Variants in SULT1B1 observed in about 807,000 individuals in gnomAD.
The protein encoded by SULT1B1 is sulfotransferase 1B1.
SULT1B1 carries 28 observed loss-of-function variants against 34.6 expected under a neutral mutation model. That is an observed-to-expected ratio of 0.81 (90% CI 0.60 to 1.11). The LOEUF (loss-of-function observed/expected upper bound fraction) is 1.11, where lower values mean the gene tolerates loss of function less well. SULT1B1 is among the 50% of genes least tolerant of loss of function. The pLI, the probability that SULT1B1 is intolerant of heterozygous loss-of-function variation, is 0.00. For missense variants in SULT1B1, 374 were observed against 352.2 expected (o/e 1.06, Z -0.50); for synonymous variants, 147 against 110.2 (o/e 1.33, Z -2.09).
chr4:69,746,989 G>A (rs1376812172), intron 4 of SULT1B1, among the ~76,000 whole-genome samples: 9 of 152,158 alleles, frequency 5.9e-5, no homozygotes. Context: ...GCACTCCAGG[G>A]CTATGTGCTC....
rs918298511 is a variant in SULT1B1 at position 69,726,417 on chromosome 4, G to C, written c.*671C>G. 6.6e-6 allele frequency: 1 copy of C among 151,922 alleles called. No homozygotes were observed. The highest frequency in any genetic ancestry group is 2.4e-5 in the African/African-American group (1 of 41,376). The allele number at this position is 151,922 out of a possible 1,614,324, so 9.4% of individuals were successfully genotyped here. On this transcript the variant is annotated 3_prime_UTR_variant, in exon 8 of 8. Transcript: ENST00000310613. ...TAAGAAGTAGGTCACAGCCCTCAGGGCTGCTTTTCAGAACAGAGCTCCAGT... is the reference window on the plus strand; with the variant it reads ...TAAGAAGTAGGTCACAGCCCTCAGGCCTGCTTTTCAGAACAGAGCTCCAGT...
chr4:69,751,618 AT>A (rs1473996079), intron 3 of SULT1B1, among the ~76,000 whole-genome samples: 14 of 152,198 alleles, frequency 9.2e-5, no homozygotes, highest in African/African-American at 3.4e-4. Flanking sequence ...CGCCCGGCTA[AT>A]TTTTTGTATA....
At chr4:69,753,994 C>T (rs552074999) in intron 3 of SULT1B1, among the ~76,000 whole-genome samples, 1 of 152,292 alleles carries the variant, frequency 6.6e-6, no homozygotes, top group South Asian at 2.1e-4. Flanking sequence ...GCTATTTTGG[C>T]TCAAGAGGCT....
At chr4:69,736,717 C>A (rs1718329155) in intron 4 of SULT1B1, among the ~76,000 whole-genome samples, 1 of 151,580 alleles carries the variant, frequency 6.6e-6, no homozygotes, top group South Asian at 2.1e-4. Flanking sequence ...ATAAATAAAT[C>A]ACTAGATGGA....
chr4:69,755,064 A>G lies in SULT1B1; in HGVS notation c.148+6T>C. 6.2e-7 allele frequency: 1 copy of G among 1,609,086 alleles called. No homozygotes were observed. The highest frequency in any genetic ancestry group is 8.5e-7 in the Non-Finnish European group (1 of 1,175,830). On this transcript the variant is annotated splice_donor_region_variant and intron_variant, in intron 2 of 7. Coordinates refer to ENST00000310613, the MANE Select transcript of SULT1B1 (RefSeq NM_014465.4). ...GGACTTGAATTTGTCAGGCCACAGA[A>G]CTCACCTGATTTAGGATAAGTGGCT...
chr4:69,755,600 C>G (rs1719158408), intron 1 of SULT1B1, among the ~76,000 whole-genome samples: 1 of 152,182 alleles, frequency 6.6e-6, no homozygotes, highest in African/African-American at 2.4e-5. Context: ...ATTAAGACTT[C>G]AGCTACACGT....
At chr4:69,736,670 G>C (rs76724901) in intron 4 of SULT1B1, among the ~76,000 whole-genome samples, 7,073 of 151,972 alleles carry the variant, frequency 0.047, 234 homozygotes, top group East Asian at 0.093. Context: ...TAAATATATG[G>C]AAATTATAGA....
At chr4:69,755,519 G>A (rs907359284) in intron 1 of SULT1B1, among the ~76,000 whole-genome samples, 2 of 152,156 alleles carry the variant, frequency 1.3e-5, no homozygotes, top group Admixed American at 6.5e-5. Context: ...ATTAAAAAGC[G>A]TGTTTCACAG....
chr4:69,749,880 T>C, intron 3 of SULT1B1, 62 bp from the exon 4 acceptor site: 1 of 1,260,628 alleles, frequency 7.9e-7, no homozygotes, highest in South Asian at 1.2e-5. Flanking sequence ...CGTTTCCTTA[T>C]TTTGCCAACC....
Position 69,724,642 on chromosome 4 carries a change from C to T in SULT1B1, c.*2446G>A, listed in dbSNP as rs538344760. The T allele has an allele frequency of 3.9e-5, 6 of 152,370 alleles. No homozygotes were observed. Among genetic ancestry groups the T allele is most frequent in the South Asian group, 4.1e-4 (2 of 4,824 alleles). 9.4% of individuals were successfully genotyped at this position (152,370 alleles called of 1,614,324 possible). A position where few individuals can be genotyped will look rare whatever the true frequency, so the allele number is the denominator to read the frequency against. On this transcript the variant is annotated 3_prime_UTR_variant, in exon 8 of 8. Transcript: ENST00000310613. ...AACTATACTACAAGGCTACAGTAAC[C>T]AAAACAGCATGGTACTGGACCAAAA...
chr4:69,731,997 G>T (rs1201640262), intron 6 of SULT1B1, among the ~76,000 whole-genome samples: 1 of 152,212 alleles, frequency 6.6e-6, no homozygotes, highest in Non-Finnish European at 1.5e-5. Context: ...CTTTTAAGTG[G>T]TGCTCTGCTG....
chr4:69,737,208 G>A (rs913433443), intron 4 of SULT1B1, among the ~76,000 whole-genome samples: 28 of 152,114 alleles, frequency 1.8e-4, no homozygotes, highest in African/African-American at 6.8e-4. Context: ...TTTTTCAAGT[G>A]CAGAAAGTAA....
intron 3 of SULT1B1, among the ~76,000 whole-genome samples, chr4:69,752,888 T>C (rs1719032384): frequency 6.6e-6 from 1 of 152,242 alleles, no homozygotes; most frequent in South Asian, 2.1e-4. Context: ...CCCTCTCATT[T>C]ACTTACAGAA....
chr4:69,749,065 C>G (rs115360020), intron 4 of SULT1B1, among the ~76,000 whole-genome samples: 1 of 151,428 alleles, frequency 6.6e-6, no homozygotes, highest in African/African-American at 2.4e-5. Context: ...ATTGATAAAA[C>G]GAAAAACTAG....
rs1719117821 is a variant in SULT1B1, at chr4:69,754,679, T to C, written c.268A>G (p.Arg90Gly). 6.2e-7 allele frequency: 1 copy of C among 1,612,746 alleles called. No individual in the cohort carries two copies. The highest frequency in any genetic ancestry group is 8.5e-7 in the Non-Finnish European group (1 of 1,179,318). Residue 90 changes from arginine to glycine, a missense_variant, in exon 3 of 8, where the codon AGA becomes GGA. By Grantham distance (125) the Arg-to-Gly change is moderately radical. Transcript: ENST00000310613. ...AGTGGGTTAAATTTACCTGATGTTC[T>C]TAATCCAGGGAGAGTCATTTCCAAC... ...PMLEMTLPGLRTSGIEQLEKN... is the reference protein window; with the variant it reads ...PMLEMTLPGLGTSGIEQLEKN...
intron 1 of SULT1B1, among the ~76,000 whole-genome samples, chr4:69,759,700 G>A (rs1359461177): frequency 6.6e-6 from 1 of 152,156 alleles, no homozygotes; most frequent in Non-Finnish European, 1.5e-5. Context: ...GCTGAAAGAT[G>A]ATTTATGAAT....
chr4:69,749,609 A>T (rs1718893551), intron 4 of SULT1B1, 112 bp downstream of exon 4: 9 of 704,350 alleles, frequency 1.3e-5, no homozygotes, highest in Non-Finnish European at 2.0e-5. Context: ...TATAGTATAG[A>T]TTGTTGCAAG....
chr4:69,730,946 A>G (rs1232840455), intron 6 of SULT1B1, among the ~76,000 whole-genome samples: 1 of 152,216 alleles, frequency 6.6e-6, no homozygotes, highest in Non-Finnish European at 1.5e-5. Context: ...TGAGTAAACG[A>G]GCAGACATGA....
At chr4:69,729,758 C>T (rs986105659) in intron 7 of SULT1B1, among the ~76,000 whole-genome samples, 1 of 152,016 alleles carries the variant, frequency 6.6e-6, no homozygotes, top group Non-Finnish European at 1.5e-5. Context: ...AAATTCTACC[C>T]ATCTCCCTCC....
Sources: allele counts gnomAD v4.1 joint callset (sites outside exome capture counted in the v4.1 genomes callset), GRCh38; gene constraint gnomAD v4.1.1; transcripts MANE v1.5; gene names NCBI Gene and HGNC (gene_info 2026-07-23, HGNC 2026-07-21).